PCLO: variants seen among roughly 807,000 people sequenced by gnomAD.
The protein encoded by PCLO is protein piccolo.
PCLO carries 82 observed loss-of-function variants against 427.5 expected under a neutral mutation model. The ratio of observed to expected loss-of-function variants is 0.19; its 90% CI spans 0.16 to 0.23. The LOEUF is 0.23. Ranked by LOEUF, PCLO falls within the 10% of genes least tolerant of loss-of-function variation. PCLO has a pLI of 1.00. For synonymous variants in PCLO, 2,357 were observed against 2,155.4 expected (o/e 1.09, Z -2.59); for missense variants, 6,239 against 6,115.9 (o/e 1.02, Z -0.67).
intron 3 of PCLO, among the ~76,000 whole-genome samples, chr7:83,057,170 G>A (rs550890024): frequency 1.3e-3 from 186 of 148,670 alleles, no homozygotes; most frequent in Non-Finnish European, 2.3e-3. Flanking sequence ...TGCTACCTCC[G>A]CCTCCCGGGT....
chr7:82,978,112 G>A (rs1309763288), intron 3 of PCLO, among the ~76,000 whole-genome samples: 1 of 151,406 alleles, frequency 6.6e-6, no homozygotes, highest in Admixed American at 6.6e-5. Flanking sequence ...GGTATTATGA[G>A]AAATGAGAGT....
At chr7:83,001,182 G>A (rs1196815869) in intron 3 of PCLO, among the ~76,000 whole-genome samples, 1 of 151,884 alleles carries the variant, frequency 6.6e-6, no homozygotes, top group Non-Finnish European at 1.5e-5. Flanking sequence ...CAATTTTAAT[G>A]TTTTGTGAAT....
At chr7:82,958,793 T>C (rs915228480) in intron 4 of PCLO, among the ~76,000 whole-genome samples, 12 of 152,224 alleles carry the variant, frequency 7.9e-5, no homozygotes, top group African/African-American at 2.4e-4. Context: ...TGAAGCTGCC[T>C]TCTAATAAAT....
chr7:82,946,891 G>C (rs1337745310), intron 6 of PCLO, among the ~76,000 whole-genome samples: 1 of 152,134 alleles, frequency 6.6e-6, no homozygotes, highest in Admixed American at 6.6e-5. Context: ...AGTGTAGAAG[G>C]AGCCTAAGGG....
intron 6 of PCLO, among the ~76,000 whole-genome samples, chr7:82,939,683 A>G (rs1441246645): frequency 6.7e-6 from 1 of 148,716 alleles, no homozygotes; most frequent in African/African-American, 2.4e-5. Context: ...AAATAGATAT[A>G]GATATATTTT....
At chr7:82,868,675 C>T (rs1008582767) in intron 10 of PCLO, among the ~76,000 whole-genome samples, 2 of 152,146 alleles carry the variant, frequency 1.3e-5, no homozygotes, top group African/African-American at 2.4e-5. Context: ...TGCCATGTAG[C>T]TCTGGCTAAA....
intron 3 of PCLO, among the ~76,000 whole-genome samples, chr7:83,039,293 C>A (rs1027443989): frequency 6.6e-6 from 1 of 151,926 alleles, no homozygotes; most frequent in African/African-American, 2.4e-5. Context: ...TTGCTAAATC[C>A]TACTTTATGC....
chr7:82,949,484 C>T lies in PCLO; in HGVS notation c.11104G>A (p.Gly3702Ser). The T allele has an allele frequency of 1.9e-6, 3 of 1,597,330 alleles. No homozygotes were observed. Among genetic ancestry groups the T allele is most frequent in the Non-Finnish European group, 2.6e-6 (3 of 1,171,736 alleles). ...SSRAPFQYTE[G>S]YTTKGSQTMT... ...AAAAGAATCACTCTTACCGTATAGC[C>T]CTCGGTATACTGAAAAGGAGCCCTG... The change falls in exon 6 of 25, where the codon GGC becomes AGC. Residue 3702 changes from glycine (G) to serine (S), a missense_variant. By Grantham distance (56) the Gly-to-Ser change is moderately conservative. This residue lies in a region of PCLO where 4,677 missense variants were observed against 4,468.4 expected (regional missense o/e 1.05). Coordinates refer to ENST00000333891, the MANE Select transcript of PCLO (RefSeq NM_033026.6).
At chr7:83,044,224 C>T (rs949050403) in intron 3 of PCLO, among the ~76,000 whole-genome samples, 1 of 151,974 alleles carries the variant, frequency 6.6e-6, no homozygotes, top group South Asian at 2.1e-4. Flanking sequence ...ATGGGGGAAC[C>T]GCCCCCATGA....
intron 12 of PCLO, among the ~76,000 whole-genome samples, chr7:82,846,121 T>C (rs4329226): frequency 0.055 from 8,370 of 152,198 alleles, 300 homozygotes; most frequent in East Asian, 0.15. Context: ...ACTTATGAAA[T>C]TACATGTTGA....
intron 3 of PCLO, among the ~76,000 whole-genome samples, chr7:83,044,743 T>C (rs71557156): frequency 0.15 from 23,063 of 152,114 alleles, 1,875 homozygotes; most frequent in African/African-American, 0.19. Context: ...AAATCGCACA[T>C]GTAACATATG....
chr7:82,891,093 T>C (rs1215975868), intron 9 of PCLO, among the ~76,000 whole-genome samples: 1 of 152,092 alleles, frequency 6.6e-6, no homozygotes, highest in East Asian at 1.9e-4. Flanking sequence ...AGAGGGCTTA[T>C]TGCTGTGTTT....
intron 22 of PCLO, among the ~76,000 whole-genome samples, chr7:82,791,164 C>G (rs767931566): frequency 1.3e-5 from 2 of 152,066 alleles, no homozygotes; most frequent in Non-Finnish European, 2.9e-5. Context: ...TAGCCAAATG[C>G]TTGGCAAATA....
chr7:82,846,518 C>T (rs758265189), intron 12 of PCLO, 49 bp downstream of exon 12: 8 of 1,185,834 alleles, frequency 6.7e-6, no homozygotes, highest in Admixed American at 1.9e-5. Flanking sequence ...GCAATTACTT[C>T]TATTTCTATC....
At chr7:83,084,830 A>G (rs1244273714) in intron 3 of PCLO, among the ~76,000 whole-genome samples, 2 of 152,160 alleles carry the variant, frequency 1.3e-5, no homozygotes, top group African/African-American at 4.8e-5. Flanking sequence ...ACTGCTTTCA[A>G]GCCTCCACCT....
chr7:83,119,405 T>C (rs180827429), intron 3 of PCLO, among the ~76,000 whole-genome samples: 186 of 152,208 alleles, frequency 1.2e-3, no homozygotes, highest in African/African-American at 4.3e-3. Context: ...TGGATATTAC[T>C]GAAGTCCACC....
chr7:82,860,073 T>C (rs1792914476), intron 10 of PCLO, among the ~76,000 whole-genome samples: 1 of 151,618 alleles, frequency 6.6e-6, no homozygotes, highest in African/African-American at 2.4e-5. Context: ...ACCTACAGGA[T>C]CTAGGAAACG....
chr7:83,077,810 AAAG>A (rs1348035269), intron 3 of PCLO, among the ~76,000 whole-genome samples: 1 of 152,090 alleles, frequency 6.6e-6, no homozygotes, highest in Non-Finnish European at 1.5e-5. Context: ...GAATATATAA[AAAG>A]AAGACTTATT....
intron 3 of PCLO, among the ~76,000 whole-genome samples, chr7:82,981,955 C>T (rs1460816076): frequency 6.6e-6 from 1 of 152,062 alleles, no homozygotes. Flanking sequence ...CTTATACCTA[C>T]CTTTCTTCTT....
Sources: gnomAD v4.1 joint callset for allele counts (sites outside exome capture counted in the v4.1 genomes callset) on GRCh38, gnomAD v4.1.1 for gene constraint, gnomAD v4.1.1 regional missense constraint, MANE v1.5 for transcripts, NCBI Gene and HGNC (gene_info 2026-07-23, HGNC 2026-07-21) for gene names.